Variants in PLPPR5 observed in about 807,000 individuals in gnomAD.
PLPPR5 encodes the protein phospholipid phosphatase-related protein type 5.
PLPPR5 carries 16 observed loss-of-function variants against 33.9 expected under a neutral mutation model. The ratio of observed to expected loss-of-function variants is 0.47; its 90% CI spans 0.32 to 0.72. The LOEUF is 0.72. Ranked by LOEUF, PLPPR5 falls within the 30% of genes least tolerant of loss-of-function variation. The pLI, the probability that PLPPR5 is intolerant of heterozygous loss-of-function variation, is 0.03. For synonymous variants in PLPPR5, 163 were observed against 150.3 expected, an observed-to-expected ratio of 1.08 and a Z score of -0.62; for missense variants, 301 against 406.7, an observed-to-expected ratio of 0.74 and a Z score of 2.23.
At chr1:98,939,449 C>T (rs1300671015) in intron 3 of PLPPR5, among the ~76,000 whole-genome samples, 9 of 151,986 alleles carry the variant, frequency 5.9e-5, no homozygotes, top group Non-Finnish European at 1.0e-4. Flanking sequence ...TTTTTTCCCA[C>T]TACTTAGCAT....
chr1:98,983,106 CTTTAAG>C (rs1652116775), intron 1 of PLPPR5, among the ~76,000 whole-genome samples: 2 of 151,002 alleles, frequency 1.3e-5, no homozygotes, highest in Non-Finnish European at 2.9e-5. Context: ...TTTTATTATA[CTTTAAG>C]TTTTAGGGTA....
intron 1 of PLPPR5, among the ~76,000 whole-genome samples, chr1:98,982,314 C>G (rs1570753731): frequency 6.6e-6 from 1 of 151,988 alleles, no homozygotes; most frequent in Non-Finnish European, 1.5e-5. Context: ...TGAACCAAAC[C>G]AAAATGGAGT....
chr1:98,920,969 C>T (rs766431259), intron 4 of PLPPR5, among the ~76,000 whole-genome samples: 21 of 152,138 alleles, frequency 1.4e-4, no homozygotes, highest in Non-Finnish European at 2.2e-4. Context: ...ATTATATACT[C>T]ATACTTATAA....
At chr1:98,972,991 G>A (rs906473932) in intron 1 of PLPPR5, among the ~76,000 whole-genome samples, 2 of 152,036 alleles carry the variant, frequency 1.3e-5, no homozygotes, top group African/African-American at 2.4e-5. Flanking sequence ...GTGCAATCAC[G>A]AGGGGAGTCA....
At chr1:98,984,755 T>C (rs1652192560) in intron 1 of PLPPR5, among the ~76,000 whole-genome samples, 1 of 152,024 alleles carries the variant, frequency 6.6e-6, no homozygotes, top group Non-Finnish European at 1.5e-5. Context: ...AAGATGTTTA[T>C]AAAGGTTAGG....
rs758813172 is a variant in PLPPR5, at chr1:98,914,857, T to C, written c.862A>G (p.Asn288Asp). Residue 288 changes from asparagine to aspartate, a missense_variant, in exon 5 of 6, where the codon AAT becomes GAT. Coordinates refer to ENST00000263177, the MANE Select transcript of PLPPR5 (RefSeq NM_001037317.2). ...CTGATCATTGGCATCTGTGCCAGAT[T>C]ATCCATGTGTATATGCTCATTTTCT... is the stretch of plus-strand genomic sequence containing the variant. ...QAENEHIHMD[N>D]LAQMPMISIP... The C allele has an allele frequency of 6.2e-7, 1 of 1,613,212 alleles. No individual in the cohort carries two copies. The highest frequency in any genetic ancestry group is 8.5e-7 in the Non-Finnish European group (1 of 1,179,642).
At chr1:98,983,262 A>G (rs1377653997) in intron 1 of PLPPR5, among the ~76,000 whole-genome samples, 1 of 117,670 alleles carries the variant, frequency 8.5e-6, no homozygotes, top group African/African-American at 3.4e-5. Context: ...AACAGTCCCC[A>G]GAGTGTGATA....
At chr1:98,961,103 G>A (rs138180942) in intron 1 of PLPPR5, among the ~76,000 whole-genome samples, 7 of 152,132 alleles carry the variant, frequency 4.6e-5, no homozygotes, top group Non-Finnish European at 7.4e-5. Context: ...TCCCTCTCAC[G>A]CACAGGGGAC....
In PLPPR5 at chr1:98,892,500, A is replaced by G. The variant is rs1163407408; in HGVS notation, c.*572T>C. 1.3e-5 allele frequency: 2 copies of G among 152,608 alleles called. No homozygotes were observed. The highest frequency in any genetic ancestry group is 4.8e-5 in the African/African-American group (2 of 41,432). 9.5% of individuals were successfully genotyped at this position (152,608 alleles called of 1,614,324 possible). A position where few individuals can be genotyped will look rare whatever the true frequency, so the allele number is the denominator to read the frequency against. On this transcript the variant is annotated 3_prime_UTR_variant, in exon 6 of 6. Coordinates refer to ENST00000263177, the MANE Select transcript of PLPPR5 (RefSeq NM_001037317.2). ...TATTTTAAGTGAAATATAACATAAT[A>G]TAATGTGGAAACATTATTTTACTAT...
intron 3 of PLPPR5, among the ~76,000 whole-genome samples, chr1:98,934,262 C>G (rs1165892991): frequency 6.6e-6 from 1 of 152,108 alleles, no homozygotes; most frequent in African/African-American, 2.4e-5. Context: ...CATGTGCTTG[C>G]TGATAGGTAG....
At chr1:98,968,229 T>A (rs1181714871) in intron 1 of PLPPR5, among the ~76,000 whole-genome samples, 1 of 151,360 alleles carries the variant, frequency 6.6e-6, no homozygotes. Context: ...TGTTTTTAAT[T>A]TTAATATATA....
intron 5 of PLPPR5, among the ~76,000 whole-genome samples, chr1:98,911,242 C>T (rs1320593851): frequency 6.6e-6 from 1 of 152,102 alleles, no homozygotes; most frequent in Non-Finnish European, 1.5e-5. Context: ...TGGAGCTCAG[C>T]AGGGTGTGGT....
rs978554115 is a variant in PLPPR5, at chr1:98,891,811, G to C, written c.*1261C>G. On this transcript the variant is annotated 3_prime_UTR_variant, in exon 6 of 6. Transcript: ENST00000263177. ...TTTATTTTTTGAACCATAGGTAGTT[G>C]CCCAGGATTCTACTGAGCTCTGAAA... 3.3e-5 allele frequency: 5 copies of C among 151,910 alleles called. No homozygotes were observed. The highest frequency in any genetic ancestry group is 5.9e-5 in the Non-Finnish European group (4 of 67,978). The allele number at this position is 151,910 out of a possible 1,614,324, so 9.4% of individuals were successfully genotyped here.
At chr1:98,987,278 T>C (rs1344507077) in intron 1 of PLPPR5, among the ~76,000 whole-genome samples, 2 of 151,862 alleles carry the variant, frequency 1.3e-5, no homozygotes, top group Admixed American at 1.3e-4. Flanking sequence ...TAATTAGGCT[T>C]ATTTGATATG....
chr1:98,908,461 T>C (rs572750009), intron 5 of PLPPR5, among the ~76,000 whole-genome samples: 1 of 152,298 alleles, frequency 6.6e-6, no homozygotes, highest in Admixed American at 6.5e-5. Flanking sequence ...CAGAAATTTG[T>C]TTCTTGGACT....
chr1:98,942,007 T>TAC (rs1459595301), intron 3 of PLPPR5, among the ~76,000 whole-genome samples: 84 of 131,288 alleles, frequency 6.4e-4, no homozygotes, highest in African/African-American at 2.3e-3. Flanking sequence ...TATATATATA[T>TAC]ACACATATAC....
At chr1:98,934,266 T>G (rs1369662406) in intron 3 of PLPPR5, among the ~76,000 whole-genome samples, 1 of 152,028 alleles carries the variant, frequency 6.6e-6, no homozygotes, top group Non-Finnish European at 1.5e-5. Flanking sequence ...TGCTTGCTGA[T>G]AGGTAGGAGC....
chr1:99,005,167 A>T, upstream of PLPPR5: 1 of 147,376 alleles, frequency 6.8e-6, no homozygotes, highest in African/African-American at 2.5e-5. Context: ...GGTAAAATCA[A>T]AAGGGGGGGA....
At chr1:98,923,558 C>G (rs1258378448) in intron 3 of PLPPR5, among the ~76,000 whole-genome samples, 1 of 151,848 alleles carries the variant, frequency 6.6e-6, no homozygotes, top group Non-Finnish European at 1.5e-5. Context: ...GCCCTTGTAG[C>G]TGCCAAAAGG....
Sources: allele counts gnomAD v4.1 joint callset (sites outside exome capture counted in the v4.1 genomes callset), GRCh38; gene constraint gnomAD v4.1.1; transcripts MANE v1.5; gene names NCBI Gene and HGNC (gene_info 2026-07-23, HGNC 2026-07-21).